Variants in VPS8 observed in about 807,000 individuals in gnomAD.
VPS8 encodes the protein VPS8 subunit of CORVET complex.
A neutral mutation model predicts 216.4 loss-of-function variants in VPS8; 129 were observed. That is an observed-to-expected ratio of 0.60 (90% confidence interval 0.52 to 0.69). The LOEUF is 0.69. VPS8 is among the 30% of genes least tolerant of loss of function. The pLI is 0.00. For missense variants in VPS8, 1,531 were observed against 1,683.5 expected (o/e 0.91, Z 1.59); for synonymous variants, 571 against 565.4 (o/e 1.01, Z -0.14).
chr3:184,821,421 G>C (rs1389019455), intron 1 of VPS8, among the ~76,000 whole-genome samples: 2 of 151,568 alleles, frequency 1.3e-5, no homozygotes, highest in African/African-American at 2.4e-5. Context: ...TTGGCTCATT[G>C]CATCCTCCGC....
At chr3:184,920,021 C>G (rs1355681949) in intron 28 of VPS8, 106 bp from the exon 29 acceptor site, 2 of 818,410 alleles carry the variant, frequency 2.4e-6, no homozygotes, top group Admixed American at 3.1e-5. Flanking sequence ...GAATAGTTAT[C>G]TTATTTGAGA....
intron 5 of VPS8, among the ~76,000 whole-genome samples, chr3:184,835,459 G>T (rs1340378056): frequency 6.6e-6 from 1 of 152,048 alleles, no homozygotes; most frequent in Non-Finnish European, 1.5e-5. Context: ...TAATGTAAAC[G>T]ATATTTAATG....
intron 20 of VPS8, among the ~76,000 whole-genome samples, chr3:184,870,036 A>G (rs1728065040): frequency 6.6e-6 from 1 of 152,224 alleles, no homozygotes; most frequent in Non-Finnish European, 1.5e-5. Flanking sequence ...GGAGGAAGAA[A>G]ACCTGGGAAT....
chr3:184,820,083 A>T (rs182033474), intron 1 of VPS8, among the ~76,000 whole-genome samples: 2 of 152,250 alleles, frequency 1.3e-5, no homozygotes, highest in Non-Finnish European at 2.9e-5. Flanking sequence ...TTGAAGTTCA[A>T]ACCTGTGTTG....
chr3:184,945,421 T>C (rs760811063), intron 36 of VPS8, among the ~76,000 whole-genome samples: 1 of 152,038 alleles, frequency 6.6e-6, no homozygotes, highest in African/African-American at 2.4e-5. Flanking sequence ...TACATTCTAA[T>C]GGAGGAAGAT....
chr3:184,861,957 C>T (rs939032857), intron 15 of VPS8, among the ~76,000 whole-genome samples: 1 of 152,148 alleles, frequency 6.6e-6, no homozygotes, highest in African/African-American at 2.4e-5. Flanking sequence ...ATCAAACTCC[C>T]TGTTTTCTGA....
chr3:184,820,286 C>T lies in VPS8; in HGVS notation c.-88-4259C>T, dbSNP rs140283855. Among the ~76,000 whole-genome samples the T allele has an allele frequency of 3.0e-4, 45 of 152,242 alleles. No individual in the cohort carries two copies. The East Asian group carries it at 8.5e-3, about 29-fold the overall frequency. On this transcript the variant is annotated intron_variant, in intron 1 of 47. Transcript: ENST00000625842. ...GGAGACCATCTGTTTCCTTGTCTTTCGCAGCTTCTAGAGGCTGCCTGCATC... is the reference window on the plus strand; with the variant it reads ...GGAGACCATCTGTTTCCTTGTCTTTTGCAGCTTCTAGAGGCTGCCTGCATC...
At chr3:184,833,587 G>A (rs1720458457) in intron 4 of VPS8, among the ~76,000 whole-genome samples, 1 of 152,172 alleles carries the variant, frequency 6.6e-6, no homozygotes, top group Admixed American at 6.5e-5. Context: ...CTTGTTGCCT[G>A]CAAAATTAAG....
intron 7 of VPS8, chr3:184,840,494 A>T (rs1721924306): frequency 6.6e-6 from 1 of 151,936 alleles, no homozygotes; most frequent in Non-Finnish European, 1.5e-5. Context: ...TGAGTTGAGG[A>T]GTTTGAGACC....
intron 46 of VPS8, among the ~76,000 whole-genome samples, chr3:185,025,789 C>A (rs1387657544): frequency 6.6e-6 from 1 of 152,216 alleles, no homozygotes; most frequent in Admixed American, 6.5e-5. Flanking sequence ...GAACACACTT[C>A]TAACATAGTG....
At chr3:184,901,261 T>C (rs966722742) in intron 25 of VPS8, 3 of 320,984 alleles carry the variant, frequency 9.3e-6, no homozygotes, top group African/African-American at 6.5e-5. Flanking sequence ...ATGTAACCTT[T>C]GGTGTTTTAT....
intron 36 of VPS8, among the ~76,000 whole-genome samples, chr3:184,949,314 G>A (rs916006840): frequency 1.3e-5 from 2 of 151,994 alleles, no homozygotes; most frequent in African/African-American, 4.8e-5. Context: ...AAAAAGATTT[G>A]AAAAGTTAGA....
intron 47 of VPS8, among the ~76,000 whole-genome samples, chr3:185,050,345 A>G (rs2108556462): frequency 6.6e-6 from 1 of 152,176 alleles, no homozygotes; most frequent in African/African-American, 2.4e-5. Flanking sequence ...AGAGTTACTG[A>G]GTTGTGAATG....
Position 184,894,689 on chromosome 3 carries a change from C to T in VPS8, c.1782-14C>T, listed in dbSNP as rs531586506. Reference sequence around the variant, plus strand: ...ATGTTCCTAAAAGTTTTTCTCCCCCCCTTTCTGTTACAGGGATCTTTTATT... The same window carrying T: ...ATGTTCCTAAAAGTTTTTCTCCCCCTCTTTCTGTTACAGGGATCTTTTATT... On this transcript the variant is annotated splice_polypyrimidine_tract_variant and intron_variant, in intron 22 of 47. Coordinates refer to ENST00000625842, the MANE Select transcript of VPS8 (RefSeq NM_001009921.3). The T allele has an allele frequency of 6.4e-6, 10 of 1,570,534 alleles. No homozygotes were observed. The highest frequency in any genetic ancestry group is 4.1e-5 in the African/African-American group (3 of 73,808).
At position 184,899,499 on chromosome 3, in the gene VPS8, C is replaced by T. The variant is rs530300542; in HGVS notation, c.2094+845C>T. On this transcript the variant is annotated intron_variant, in intron 24 of 47. Transcript: ENST00000625842. ...ATTCATAACCCTTCAGTTTTGGTTG[C>T]ACCTCTCTTCTTTCGGTTAGTTTCT... 5.9e-5 allele frequency among the ~76,000 whole-genome samples: 9 copies of T among 152,326 alleles called. No homozygotes were observed. The South Asian group carries it at 1.5e-3, about 25-fold the overall frequency.
chr3:184,938,057 G>A (rs922270478), intron 35 of VPS8, among the ~76,000 whole-genome samples: 2 of 152,178 alleles, frequency 1.3e-5, no homozygotes, highest in African/African-American at 2.4e-5. Context: ...GGAAAGGAGA[G>A]CAAATGGAGG....
At chr3:184,829,337 C>T (rs1719494270) in intron 3 of VPS8, among the ~76,000 whole-genome samples, 1 of 152,142 alleles carries the variant, frequency 6.6e-6, no homozygotes, top group African/African-American at 2.4e-5. Context: ...CCTCAGCCTC[C>T]CGAGTAGGTG....
intron 46 of VPS8, among the ~76,000 whole-genome samples, chr3:185,039,575 G>C (rs1251153584): frequency 1.3e-5 from 2 of 151,928 alleles, no homozygotes; most frequent in East Asian, 3.9e-4. Context: ...TTGACTAACA[G>C]GGAGACAGGA....
chr3:184,850,037 T>C lies in VPS8; in HGVS notation c.753+15T>C. ...TGCATATCAAGGTAAGAGCTTTATT[T>C]TCTTTTCCTAATAATTTTTTTATTA... is the stretch of plus-strand genomic sequence containing the variant. On this transcript the variant is annotated intron_variant, in intron 10 of 47. Coordinates refer to ENST00000625842, the MANE Select transcript of VPS8 (RefSeq NM_001009921.3). 1 of 1,584,652 alleles carries C rather than the reference T, an allele frequency of 6.3e-7. No homozygotes were observed. The highest frequency in any genetic ancestry group is 8.6e-7 in the Non-Finnish European group (1 of 1,168,742).
Sources: gnomAD v4.1 joint callset for allele counts (sites outside exome capture counted in the v4.1 genomes callset) on GRCh38, gnomAD v4.1.1 for gene constraint, MANE v1.5 for transcripts, NCBI Gene and HGNC (gene_info 2026-07-23, HGNC 2026-07-21) for gene names.